GREB1L: variants seen among roughly 807,000 people sequenced by gnomAD.
The protein encoded by GREB1L is GREB1 like retinoic acid receptor coactivator, also known as GREB1-like protein.
In GREB1L, 17 loss-of-function variants were observed where a neutral mutation model predicts 200.8. The observed-to-expected ratio is 0.08, with a 90% CI of 0.06 to 0.13. The LOEUF (loss-of-function observed/expected upper bound fraction) is 0.13, where lower values mean the gene tolerates loss of function less well. Among genes scored for constraint, GREB1L ranks in the 10% least tolerant of loss-of-function variants. The pLI, the probability that GREB1L is intolerant of heterozygous loss-of-function variation, is 1.00. For missense variants in GREB1L, 1,657 were observed against 2,367.7 expected (o/e 0.70, Z 6.23); for synonymous variants, 789 against 893.0 (o/e 0.88, Z 2.08).
At chr18:21,271,568 C>T (rs1002525852) in intron 1 of GREB1L, among the ~76,000 whole-genome samples, 4 of 149,426 alleles carry the variant, frequency 2.7e-5, no homozygotes, top group Admixed American at 2.0e-4. Flanking sequence ...GGGAGGATAC[C>T]TTGGGCCCAG....
intron 5 of GREB1L, among the ~76,000 whole-genome samples, chr18:21,397,645 G>A (rs2041140109): frequency 6.6e-6 from 1 of 152,042 alleles, no homozygotes; most frequent in African/African-American, 2.4e-5. Flanking sequence ...AGCTTGCAGT[G>A]AGCCAAGATG....
chr18:21,421,799 A>G (rs1352093751), intron 7 of GREB1L, among the ~76,000 whole-genome samples: 4 of 152,200 alleles, frequency 2.6e-5, no homozygotes, highest in Non-Finnish European at 5.9e-5. Flanking sequence ...CAAACTCTCT[A>G]CTGGCTACGT....
chr18:21,497,280 A>G (rs1181338399), intron 21 of GREB1L, among the ~76,000 whole-genome samples: 1 of 152,170 alleles, frequency 6.6e-6, no homozygotes, highest in Non-Finnish European at 1.5e-5. Flanking sequence ...CTTCTGATAA[A>G]TTGTATTATA....
intron 1 of GREB1L, among the ~76,000 whole-genome samples, chr18:21,275,359 A>G (rs2038145278): frequency 6.6e-6 from 1 of 152,186 alleles, no homozygotes; most frequent in Non-Finnish European, 1.5e-5. Context: ...TGTTACAAGT[A>G]TGTTATTTTA....
At chr18:21,374,560 A>G (rs1239409951) in intron 2 of GREB1L, among the ~76,000 whole-genome samples, 2 of 152,206 alleles carry the variant, frequency 1.3e-5, no homozygotes, top group Admixed American at 1.3e-4. Flanking sequence ...ATTACTTAGA[A>G]TATGTACATC....
At chr18:21,476,258 A>G (rs914962930) in intron 16 of GREB1L, among the ~76,000 whole-genome samples, 10 of 152,112 alleles carry the variant, frequency 6.6e-5, no homozygotes, top group African/African-American at 2.4e-4. Context: ...GTGGTAGGGA[A>G]ATGTCAGAAT....
At chr18:21,500,378 A>G (rs2036736336) in intron 22 of GREB1L, 72 bp downstream of exon 22, 3 of 854,336 alleles carry the variant, frequency 3.5e-6, no homozygotes, top group Admixed American at 2.2e-5. Flanking sequence ...TAGAAGCCAG[A>G]AAACCTCTTG....
rs1202722555 is a variant in GREB1L, at chr18:21,449,753, G to C, written c.1637G>C (p.Arg546Thr). 6.4e-7 allele frequency: 1 copy of C among 1,551,630 alleles called. No individual in the cohort carries two copies. Among genetic ancestry groups the C allele is most frequent in the Non-Finnish European group, 8.7e-7 (1 of 1,146,936 alleles). The change falls in exon 12 of 33, where the codon AGA becomes ACA. Residue 546 changes from arginine (R) to threonine (T), a missense_variant. Transcript: ENST00000424526. The part of the protein sequence containing the change: ...SETLRTLSEM[R>T]HYQRLPDYVV... ...ACCTTAAGGACTCTCAGTGAAATGA[G>C]ACACTATCAAAGGCTGCCAGATTAT...
intron 1 of GREB1L, among the ~76,000 whole-genome samples, chr18:21,312,290 C>T (rs1431662159): frequency 6.6e-6 from 1 of 152,128 alleles, no homozygotes; most frequent in Non-Finnish European, 1.5e-5. Flanking sequence ...TGAACATTCA[C>T]GTGCATGTGT....
intron 15 of GREB1L, among the ~76,000 whole-genome samples, chr18:21,461,178 C>T (rs2035031085): frequency 6.6e-6 from 1 of 152,126 alleles, no homozygotes; most frequent in Non-Finnish European, 1.5e-5. Flanking sequence ...ACACCTGTCC[C>T]CTTCCCTGCT....
intron 23 of GREB1L, among the ~76,000 whole-genome samples, chr18:21,504,027 C>T (rs1402063762): frequency 2.0e-5 from 3 of 151,612 alleles, no homozygotes; most frequent in East Asian, 3.9e-4. Flanking sequence ...CTGCAACCTC[C>T]GTCTCAGGGG....
chr18:21,514,605 A>G (rs1487746569), intron 28 of GREB1L, among the ~76,000 whole-genome samples: 2 of 152,046 alleles, frequency 1.3e-5, no homozygotes, highest in Admixed American at 6.5e-5. Flanking sequence ...TTTAGCCCCA[A>G]CTCTGTTTTT....
chr18:21,271,703 C>T (rs979624907), intron 1 of GREB1L, among the ~76,000 whole-genome samples: 1 of 151,114 alleles, frequency 6.6e-6, no homozygotes, highest in African/African-American at 2.4e-5. Flanking sequence ...CAGAATGTAG[C>T]CCCCACTCAT....
chr18:21,303,757 G>A (rs1439934784), intron 1 of GREB1L, among the ~76,000 whole-genome samples: 2 of 152,094 alleles, frequency 1.3e-5, no homozygotes, highest in African/African-American at 2.4e-5. Flanking sequence ...AATTTAACAC[G>A]TTTGCTTTTT....
chr18:21,268,554 CACACACATATAT>C (rs1333672996), intron 1 of GREB1L, among the ~76,000 whole-genome samples: 26 of 96,844 alleles, frequency 2.7e-4, no homozygotes, highest in African/African-American at 7.5e-4. Context: ...CACACACACA[CACACACATATAT>C]ATATATATAT....
intron 7 of GREB1L, among the ~76,000 whole-genome samples, chr18:21,415,840 A>T (rs2031577294): frequency 6.6e-6 from 1 of 152,240 alleles, no homozygotes; most frequent in African/African-American, 2.4e-5. Context: ...CCAAAAGATC[A>T]AATTGTTTCC....
chr18:21,453,311 G>A (rs1474302047), intron 14 of GREB1L, among the ~76,000 whole-genome samples: 1 of 152,176 alleles, frequency 6.6e-6, no homozygotes, highest in African/African-American at 2.4e-5. Context: ...CAACTACTAG[G>A]GAGACCATCC....
rs58330283 is a variant in GREB1L, at chr18:21,426,988, CAA to C, written c.833-12522_833-12521del. On this transcript the variant is annotated intron_variant, in intron 7 of 32. Transcript: ENST00000424526. ...AAAAAAAAAACAAAAAAAAAAAAAA[CAA>C]AAAAAAAAAACTGTTTTGGCTATTC... Among the ~76,000 whole-genome samples, 99 of 117,642 alleles carry C rather than the reference CAA, an allele frequency of 8.4e-4. 1 individual carries two copies. The highest frequency in any genetic ancestry group is 3.1e-3 in the Admixed American group (39 of 12,696). The allele number at this position is 117,642 out of a possible 152,430, so 77.2% of individuals were successfully genotyped here.
intron 2 of GREB1L, among the ~76,000 whole-genome samples, chr18:21,374,869 T>TC (rs1209955591): frequency 2.1e-5 from 3 of 140,186 alleles, no homozygotes; most frequent in Non-Finnish European, 3.0e-5. Context: ...TTTTTTTTTT[T>TC]CCACACAGGG....
Sources: allele counts gnomAD v4.1 joint callset (sites outside exome capture counted in the v4.1 genomes callset), GRCh38; gene constraint gnomAD v4.1.1; transcripts MANE v1.5; gene names NCBI Gene and HGNC (gene_info 2026-07-23, HGNC 2026-07-21).